SORCS1: variants seen among roughly 807,000 people sequenced by gnomAD.
The protein encoded by SORCS1 is sortilin related VPS10 domain containing receptor 1.
SORCS1 carries 60 observed loss-of-function variants against 146.1 expected under a neutral mutation model. That is an observed-to-expected ratio of 0.41 (90% CI 0.33 to 0.51). The LOEUF (loss-of-function observed/expected upper bound fraction) is 0.51. Ranked by LOEUF, SORCS1 falls within the 20% of genes least tolerant of loss-of-function variation. The probability of loss-of-function intolerance (pLI) is 0.21; values close to 1 mark genes in which losing one functional copy is unlikely to be tolerated. For missense variants in SORCS1, 1,352 were observed against 1,487.6 expected, an observed-to-expected ratio of 0.91 and a Z score of 1.50; for synonymous variants, 637 against 584.0, an observed-to-expected ratio of 1.09 and a Z score of -1.31.
rs567594884 is a variant in SORCS1 at position 106,699,060 on chromosome 10, A to T, written c.1413+154T>A. Among the ~76,000 whole-genome samples the T allele has an allele frequency of 9.2e-5, 14 of 152,334 alleles. No individual in the cohort carries two copies. In the South Asian group the frequency reaches 2.9e-3, roughly 32 times the overall value. On this transcript the variant is annotated intron_variant, in intron 9 of 25. Transcript: ENST00000263054. ...ATCTTCTGTGGATTGCAAATTAACT[A>T]ATAAAAATGTTCTGCAAATCTTTCC...
chr10:106,876,180 C>A (rs112824281), intron 2 of SORCS1, among the ~76,000 whole-genome samples: 3 of 152,138 alleles, frequency 2.0e-5, no homozygotes. Context: ...GTTAAAGATA[C>A]ACTGTAAGGA....
intron 1 of SORCS1, among the ~76,000 whole-genome samples, chr10:106,979,042 A>G (rs1302365736): frequency 6.6e-6 from 1 of 152,176 alleles, no homozygotes; most frequent in Non-Finnish European, 1.5e-5. Flanking sequence ...GACATTTAAG[A>G]GTCTATTTAA....
At chr10:106,802,419 C>T (rs1010837591) in intron 3 of SORCS1, among the ~76,000 whole-genome samples, 1 of 152,140 alleles carries the variant, frequency 6.6e-6, no homozygotes, top group Non-Finnish European at 1.5e-5. Context: ...GCAACCTCTG[C>T]CTCCCGGGTT....
intron 2 of SORCS1, among the ~76,000 whole-genome samples, chr10:106,833,977 T>C (rs1205012235): frequency 1.3e-5 from 2 of 152,114 alleles, no homozygotes; most frequent in Non-Finnish European, 2.9e-5. Context: ...GTATTTTTAG[T>C]AGAGATGGGG....
At chr10:106,963,347 C>A (rs1031817973) in intron 1 of SORCS1, among the ~76,000 whole-genome samples, 51 of 151,894 alleles carry the variant, frequency 3.4e-4, no homozygotes, top group African/African-American at 1.1e-3. Flanking sequence ...GATCTCCTGA[C>A]CTTGTGATCC....
At chr10:107,063,011 G>A (rs1156389351) in intron 1 of SORCS1, among the ~76,000 whole-genome samples, 4 of 152,148 alleles carry the variant, frequency 2.6e-5, no homozygotes, top group African/African-American at 9.7e-5. Context: ...TCCTTGACTC[G>A]TAAGAACCTT....
chr10:106,873,936 A>T (rs1950509887), intron 2 of SORCS1, among the ~76,000 whole-genome samples: 1 of 152,178 alleles, frequency 6.6e-6, no homozygotes, highest in Non-Finnish European at 1.5e-5. Flanking sequence ...TTTGCCAATG[A>T]CCTGCTGAGT....
the SORCS1 span, among the ~76,000 whole-genome samples, chr10:107,174,866 G>T: frequency 6.6e-6 from 1 of 152,094 alleles, no homozygotes; most frequent in Admixed American, 6.6e-5. Flanking sequence ...AAGAGCAGGG[G>T]GAAAGGTTTT....
At chr10:106,613,693 C>A (rs1847163781) in intron 21 of SORCS1, among the ~76,000 whole-genome samples, 1 of 152,146 alleles carries the variant, frequency 6.6e-6, no homozygotes, top group Non-Finnish European at 1.5e-5. Context: ...TCATATGGCT[C>A]CCCTAAAACC....
At chr10:106,911,588 C>T (rs936147646) in intron 2 of SORCS1, among the ~76,000 whole-genome samples, 2 of 152,166 alleles carry the variant, frequency 1.3e-5, no homozygotes, top group African/African-American at 4.8e-5. Context: ...ACTGACCCCA[C>T]TAAATACTGT....
intron 5 of SORCS1, among the ~76,000 whole-genome samples, chr10:106,738,068 CGTT>C (rs1307265301): frequency 3.9e-5 from 6 of 152,132 alleles, no homozygotes; most frequent in African/African-American, 1.4e-4. Flanking sequence ...TTTTTTCAGT[CGTT>C]GTCTATTGAT....
intron 1 of SORCS1, among the ~76,000 whole-genome samples, chr10:107,158,692 T>C (rs1325234798): frequency 1.3e-5 from 2 of 152,226 alleles, no homozygotes; most frequent in African/African-American, 4.8e-5. Flanking sequence ...TTCACAAATA[T>C]CCCTATGCCA....
At chr10:106,825,428 C>T (rs549985948) in intron 3 of SORCS1, among the ~76,000 whole-genome samples, 4 of 151,928 alleles carry the variant, frequency 2.6e-5, no homozygotes, top group Admixed American at 1.3e-4. Flanking sequence ...CCCGCCACCA[C>T]GCCTGGCTAA....
chr10:106,904,177 T>A lies in SORCS1; in HGVS notation c.626+52336A>T, dbSNP rs1327483519. On this transcript the variant is annotated intron_variant, in intron 2 of 25. Coordinates refer to ENST00000263054, the MANE Select transcript of SORCS1 (RefSeq NM_052918.5). The stretch of plus-strand genomic sequence containing the variant: ...ACTAGGAATATCCTCAGTATACAGA[T>A]CTAATATCATTATTTATCTTATAGG... Among the ~76,000 whole-genome samples, 4 of 152,244 alleles carry A rather than the reference T, an allele frequency of 2.6e-5. No individual in the cohort carries two copies. The East Asian group carries it at 7.7e-4, about 29-fold the overall frequency.
At chr10:106,710,220 A>AG (rs1854872094) in intron 6 of SORCS1, among the ~76,000 whole-genome samples, 1 of 152,154 alleles carries the variant, frequency 6.6e-6, no homozygotes, top group Admixed American at 6.5e-5. Flanking sequence ...AGGCCAAAGC[A>AG]GGTGGATCAC....
chr10:106,730,109 A>T lies in SORCS1; in HGVS notation c.965T>A (p.Val322Glu), dbSNP rs201908999. 3.8e-5 allele frequency: 61 copies of T among 1,614,004 alleles called. No homozygotes were observed. The highest frequency in any genetic ancestry group is 3.6e-5 in the Non-Finnish European group (42 of 1,180,020). ...GTCTGGTTCTTTATTTGACCCCATCACAGACCTAAAAAATGGAGAAACATG... is the reference window on the plus strand; with the variant it reads ...GTCTGGTTCTTTATTTGACCCCATCTCAGACCTAAAAAATGGAGAAACATG... The part of the protein sequence containing the change: ...GVVPNRFYWS[V>E]MGSNKEPDLV... Residue 322 changes from valine to glutamate, a missense_variant, in exon 6 of 26, where the codon GTG (valine) becomes GAG (glutamate). By Grantham distance (121) the Val-to-Glu change is moderately radical. Around this residue, in one of 3 missense-constraint regions of SORCS1, gnomAD observed 490 missense variants for 489.1 expected, o/e 1.00. Transcript: ENST00000263054.
chr10:106,675,194 AG>A (rs1851931744), intron 13 of SORCS1, 38 bp from the exon 14 acceptor site: 1 of 1,463,522 alleles, frequency 6.8e-7, no homozygotes. Flanking sequence ...AGATCTCCAA[AG>A]GAAAAAAAAA....
intron 2 of SORCS1, among the ~76,000 whole-genome samples, chr10:106,936,241 T>C (rs1450052504): frequency 6.6e-6 from 1 of 152,192 alleles, no homozygotes; most frequent in African/African-American, 2.4e-5. Context: ...ATTTACATCC[T>C]GACTGGTATC....
intron 1 of SORCS1, among the ~76,000 whole-genome samples, chr10:107,128,474 T>C (rs1293467372): frequency 6.6e-6 from 1 of 152,226 alleles, no homozygotes; most frequent in Non-Finnish European, 1.5e-5. Flanking sequence ...ATCCCATCAC[T>C]GTCATTTACC....
Sources: gnomAD v4.1 joint callset for allele counts (sites outside exome capture counted in the v4.1 genomes callset) on GRCh38, gnomAD v4.1.1 for gene constraint, gnomAD v4.1.1 regional missense constraint, MANE v1.5 for transcripts, NCBI Gene and HGNC (gene_info 2026-07-23, HGNC 2026-07-21) for gene names.